The following HS6ST2 variants were observed in gnomAD, a reference collection of about 807,000 sequenced individuals.
HS6ST2 encodes the protein heparan-sulfate 6-O-sulfotransferase 2.
A neutral mutation model predicts 33.0 loss-of-function variants in HS6ST2; 17 were observed. The observed-to-expected ratio is 0.52, with a 90% confidence interval of 0.35 to 0.77. The LOEUF (loss-of-function observed/expected upper bound fraction) is 0.77. Among genes scored for constraint, HS6ST2 ranks in the 30% least tolerant of loss-of-function variants. The probability of loss-of-function intolerance (pLI) is 0.01; values close to 1 mark genes in which losing one functional copy is unlikely to be tolerated. For synonymous variants in HS6ST2, 248 were observed against 237.1 expected (o/e 1.05, Z -0.42); for missense variants, 519 against 551.7 (o/e 0.94, Z 0.59).
chrX:132,725,421 C>G (rs1257344176), intron 2 of HS6ST2, among the ~76,000 whole-genome samples: 2 of 111,602 alleles, frequency 1.8e-5, no homozygotes, highest in Non-Finnish European at 3.8e-5. Flanking sequence ...AAAAGGTGCT[C>G]AACATCACTG....
chrX:132,742,230 G>A lies in HS6ST2; in HGVS notation c.948-33736C>T, dbSNP rs1019969270. Among the ~76,000 whole-genome samples, 3 of 112,060 alleles carry A rather than the reference G, an allele frequency of 2.7e-5. No homozygotes were observed. In the South Asian group the frequency reaches 1.1e-3, roughly 42 times the overall value. The stretch of plus-strand genomic sequence containing the variant: ...CTGGGGATCGTTTGCCTACAATGTG[G>A]TTTTGGTTCTTTTTAAAGGTGCAAG... On this transcript the variant is annotated intron_variant, in intron 2 of 4. Transcript: ENST00000370833.
intron 4 of HS6ST2, among the ~76,000 whole-genome samples, chrX:132,657,219 A>C (rs942389291): frequency 9.0e-6 from 1 of 111,316 alleles, no homozygotes; most frequent in East Asian, 2.8e-4. Context: ...AAAAATAACA[A>C]CATTATGCAT....
chrX:132,830,162 A>G (rs1049271987), intron 2 of HS6ST2, among the ~76,000 whole-genome samples: 3 of 112,326 alleles, frequency 2.7e-5, no homozygotes, highest in Non-Finnish European at 3.8e-5. Context: ...ATCAAGCCAG[A>G]CAAATTAATA....
At chrX:132,841,328 T>C (rs1399426654) in intron 2 of HS6ST2, among the ~76,000 whole-genome samples, 3 of 111,441 alleles carry the variant, frequency 2.7e-5, no homozygotes, top group Non-Finnish European at 5.6e-5. Context: ...TGGTCCTTCA[T>C]ATACTCCACA....
chrX:132,921,430 C>CA (rs1184493722), intron 2 of HS6ST2, among the ~76,000 whole-genome samples: 1 of 112,303 alleles, frequency 8.9e-6, no homozygotes, highest in Non-Finnish European at 1.9e-5. Flanking sequence ...CCCTGAAAGA[C>CA]AAAAAATTGG....
chrX:132,682,144 A>G (rs933241159), intron 3 of HS6ST2, among the ~76,000 whole-genome samples: 1 of 112,398 alleles, frequency 8.9e-6, no homozygotes, highest in African/African-American at 3.2e-5. Context: ...TCACTCTGTT[A>G]CTGACACTGT....
rs964490943 is a variant in HS6ST2, at chrX:132,673,465, A to G, written c.981-4266T>C. Among the ~76,000 whole-genome samples, 3 of 112,777 alleles carry G rather than the reference A, an allele frequency of 2.7e-5. No homozygotes were observed. The Admixed American group carries it at 2.8e-4, about 10-fold the overall frequency. On this transcript the variant is annotated intron_variant, in intron 3 of 4. Coordinates refer to ENST00000370833, the MANE Select transcript of HS6ST2 (RefSeq NM_001394073.1). The stretch of plus-strand genomic sequence containing the variant: ...TGTGCATCACAAAAAACGTGAGCTT[A>G]GAAAGGATTCTCAAGCAAGCTTGCT...
At chrX:132,782,885 T>A (rs1400931944) in intron 2 of HS6ST2, among the ~76,000 whole-genome samples, 1 of 111,539 alleles carries the variant, frequency 9.0e-6, no homozygotes, top group Non-Finnish European at 1.9e-5. Flanking sequence ...GAGTACTGCT[T>A]CATTGGAGAT....
chrX:132,739,148 C>T (rs776631683), intron 2 of HS6ST2, among the ~76,000 whole-genome samples: 2 of 111,582 alleles, frequency 1.8e-5, no homozygotes, highest in Non-Finnish European at 3.8e-5. Flanking sequence ...TCACTAGACG[C>T]GCACCAGGGA....
At chrX:132,844,195 C>T (rs1350575784) in intron 2 of HS6ST2, among the ~76,000 whole-genome samples, 2 of 111,138 alleles carry the variant, frequency 1.8e-5, no homozygotes, top group African/African-American at 6.5e-5. Context: ...TTCCTGGACT[C>T]ATCCTATAGA....
At chrX:132,880,264 G>A (rs903006001) in intron 2 of HS6ST2, among the ~76,000 whole-genome samples, 2 of 111,592 alleles carry the variant, frequency 1.8e-5, no homozygotes, top group African/African-American at 6.5e-5. Flanking sequence ...GGCCAGGTGC[G>A]GTGGCTCATG....
At chrX:132,812,587 G>T (rs1434828176) in intron 2 of HS6ST2, among the ~76,000 whole-genome samples, 2 of 105,345 alleles carry the variant, frequency 1.9e-5, no homozygotes, top group Admixed American at 1.0e-4. Flanking sequence ...TTTTTTTGGG[G>T]GGGGGAGAAA....
intron 2 of HS6ST2, among the ~76,000 whole-genome samples, chrX:132,881,662 T>C (rs1406466431): frequency 2.7e-5 from 3 of 111,902 alleles, no homozygotes; most frequent in African/African-American, 6.5e-5. Context: ...GCTTTTGTTG[T>C]CATTGCTTTT....
intron 3 of HS6ST2, among the ~76,000 whole-genome samples, chrX:132,687,521 A>C (rs1384590563): frequency 1.8e-5 from 2 of 110,289 alleles, no homozygotes; most frequent in Non-Finnish European, 3.8e-5. Flanking sequence ...GGGGAGAGTT[A>C]ATGGAGAGTG....
At chrX:132,908,061 C>T (rs1300695944) in intron 2 of HS6ST2, among the ~76,000 whole-genome samples, 1 of 111,932 alleles carries the variant, frequency 8.9e-6, no homozygotes, top group East Asian at 2.8e-4. Flanking sequence ...AATTATAACT[C>T]AATAACTTAA....
At chrX:132,944,804 T>C (rs1440194799) in intron 2 of HS6ST2, among the ~76,000 whole-genome samples, 8 of 110,346 alleles carry the variant, frequency 7.2e-5, no homozygotes, top group South Asian at 3.9e-4. Flanking sequence ...TAGCCATATG[T>C]AGAAAGCTGA....
At chrX:132,907,446 T>G (rs761254357) in intron 2 of HS6ST2, 7 of 124,527 alleles carry the variant, frequency 5.6e-5, no homozygotes, top group African/African-American at 1.6e-4. Context: ...TAGATGCCTC[T>G]GCAATGATAA....
intron 2 of HS6ST2, among the ~76,000 whole-genome samples, chrX:132,906,537 T>C (rs920351086): frequency 1.8e-5 from 2 of 111,779 alleles, no homozygotes; most frequent in African/African-American, 6.5e-5. Flanking sequence ...TCCAATCTCA[T>C]GTTGAAATTT....
chrX:132,920,416 C>T lies in HS6ST2; in HGVS notation c.947+36392G>A, dbSNP rs1435812513. On this transcript the variant is annotated intron_variant, in intron 2 of 4. Coordinates refer to ENST00000370833, the MANE Select transcript of HS6ST2 (RefSeq NM_001394073.1). ...CACACAGTAACCATCTACCAAACCC[C>T]AACTTAAAACACAGAAAAAAAAATC... Among the ~76,000 whole-genome samples, 3 of 105,835 alleles carry T rather than the reference C, an allele frequency of 2.8e-5. No individual in the cohort carries two copies. In the Admixed American group the frequency reaches 3.0e-4, roughly 10 times the overall value. 91.9% of individuals were successfully genotyped at this position (105,835 alleles called of 115,157 possible). A position where few individuals can be genotyped will look rare whatever the true frequency, so the allele number is the denominator to read the frequency against.
Sources: allele counts gnomAD v4.1 joint callset (sites outside exome capture counted in the v4.1 genomes callset), GRCh38; gene constraint gnomAD v4.1.1; transcripts MANE v1.5; gene names NCBI Gene and HGNC (gene_info 2026-07-23, HGNC 2026-07-21).